SH3RF3: variants seen among roughly 807,000 people sequenced by gnomAD.
SH3RF3 encodes the protein SH3 domain containing ring finger 3, also known as E3 ubiquitin-protein ligase SH3RF3.
In SH3RF3, 29 loss-of-function variants were observed where a neutral mutation model predicts 66.3. The observed-to-expected ratio is 0.44, with a 90% CI of 0.33 to 0.60. The LOEUF (loss-of-function observed/expected upper bound fraction) is 0.60. Ranked by LOEUF, SH3RF3 falls within the 20% of genes least tolerant of loss-of-function variation. SH3RF3 has a pLI of 0.04. For synonymous variants in SH3RF3, 583 were observed against 532.0 expected (o/e 1.10, Z -1.32); for missense variants, 1,194 against 1,190.9 (o/e 1.00, Z -0.04).
At chr2:109,172,736 G>A (rs748584605) in intron 1 of SH3RF3, among the ~76,000 whole-genome samples, 10 of 152,206 alleles carry the variant, frequency 6.6e-5, no homozygotes, top group Admixed American at 3.3e-4. Context: ...AGCTCTGGCA[G>A]GGATGCTGGA....
At chr2:109,339,210 TG>T (rs1390309978) in intron 1 of SH3RF3, among the ~76,000 whole-genome samples, 5 of 146,460 alleles carry the variant, frequency 3.4e-5, no homozygotes, top group African/African-American at 1.3e-4. Context: ...TAACTTTTAT[TG>T]AAAAAAATCC....
intron 2 of SH3RF3, among the ~76,000 whole-genome samples, chr2:109,350,067 C>T (rs756242359): frequency 5.3e-5 from 8 of 152,298 alleles, no homozygotes; most frequent in Middle Eastern, 6.8e-3. Context: ...AGGGGCAGGC[C>T]GGGCATTTAG....
intron 8 of SH3RF3, among the ~76,000 whole-genome samples, chr2:109,488,118 C>G (rs1559110040): frequency 6.6e-6 from 1 of 152,202 alleles, no homozygotes; most frequent in Non-Finnish European, 1.5e-5. Context: ...AGAGTGGGCT[C>G]CGCCGGGACA....
chr2:109,144,784 G>C (rs1677053198), intron 1 of SH3RF3, among the ~76,000 whole-genome samples: 1 of 152,242 alleles, frequency 6.6e-6, no homozygotes, highest in Non-Finnish European at 1.5e-5. Context: ...CAGGCACCAG[G>C]CTGGAGCCTG....
rs565633893 is a variant in SH3RF3, at chr2:109,269,109, G to A, written c.574-78565G>A. On this transcript the variant is annotated intron_variant, in intron 1 of 9. Transcript: ENST00000309415. ...GCCACGAGGCACAAGGGCCGCACGT[G>A]GATTTTGTGCTGAGTGGCATTGGAA... 3.3e-5 allele frequency among the ~76,000 whole-genome samples: 5 copies of A among 152,290 alleles called. No homozygotes were observed. In the East Asian group the frequency reaches 9.7e-4, roughly 29 times the overall value.
chr2:109,212,759 T>TCCCCCACCCGTCAGTTCCCTCTG (rs1679019134), intron 1 of SH3RF3, among the ~76,000 whole-genome samples: 1 of 152,124 alleles, frequency 6.6e-6, no homozygotes, highest in Non-Finnish European at 1.5e-5. Flanking sequence ...AGCAGCCTTC[T>TCCCCCACCCGTCAGTTCCCTCTG]CCCCCACCCG....
At chr2:109,306,024 T>G (rs1161950110) in intron 1 of SH3RF3, among the ~76,000 whole-genome samples, 1 of 152,092 alleles carries the variant, frequency 6.6e-6, no homozygotes, top group Non-Finnish European at 1.5e-5. Context: ...ACTTCAGGAG[T>G]GATTCGCTGC....
At chr2:109,279,075 G>A (rs778450090) in intron 1 of SH3RF3, among the ~76,000 whole-genome samples, 3 of 152,148 alleles carry the variant, frequency 2.0e-5, no homozygotes, top group Non-Finnish European at 4.4e-5. Flanking sequence ...GAGGATCTTG[G>A]GAACTGCTGT....
At chr2:109,441,069 C>CA (rs1677549246) in intron 7 of SH3RF3, among the ~76,000 whole-genome samples, 1 of 143,562 alleles carries the variant, frequency 7.0e-6, no homozygotes, top group Non-Finnish European at 1.5e-5. Context: ...ACTCAAGAGT[C>CA]AAACTATTTC....
intron 4 of SH3RF3, among the ~76,000 whole-genome samples, chr2:109,410,592 C>T (rs764801083): frequency 1.5e-4 from 23 of 152,206 alleles, no homozygotes; most frequent in Admixed American, 2.6e-4. Flanking sequence ...GAGCATCCTG[C>T]CCGAGGGAGG....
chr2:109,183,015 C>T (rs1678105172), intron 1 of SH3RF3, among the ~76,000 whole-genome samples: 2 of 152,222 alleles, frequency 1.3e-5, no homozygotes, highest in Non-Finnish European at 2.9e-5. Context: ...CATCCTTCCA[C>T]ATGACTGTGT....
chr2:109,360,552 A>G (rs987015350), intron 2 of SH3RF3, among the ~76,000 whole-genome samples: 3 of 152,254 alleles, frequency 2.0e-5, no homozygotes, highest in African/African-American at 7.2e-5. Flanking sequence ...TGTATATGCA[A>G]ATATTCCAAA....
rs1465707702 is a variant in SH3RF3, at chr2:109,432,674, G to A, written c.1574+3G>A. On this transcript the variant is annotated splice_donor_region_variant and intron_variant, in intron 6 of 9. Coordinates refer to ENST00000309415, the MANE Select transcript of SH3RF3 (RefSeq NM_001099289.3). The stretch of plus-strand genomic sequence containing the variant: ...AACTACGTGACACCCGTTTCCAGGT[G>A]AGGGCATGGTGGTGGCAGCCTGGGC... 2.5e-6 allele frequency: 4 copies of A among 1,609,996 alleles called. No homozygotes were observed. The highest frequency in any genetic ancestry group is 2.2e-5 in the South Asian group (2 of 90,080).
At chr2:109,143,703 G>A (rs887204385) in intron 1 of SH3RF3, among the ~76,000 whole-genome samples, 11 of 151,992 alleles carry the variant, frequency 7.2e-5, no homozygotes, top group South Asian at 2.1e-4. Context: ...GCAGTGAGCC[G>A]TGATCGCACC....
At chr2:109,151,940 G>A (rs141505273) in intron 1 of SH3RF3, among the ~76,000 whole-genome samples, 2 of 152,332 alleles carry the variant, frequency 1.3e-5, no homozygotes, top group African/African-American at 4.8e-5. Context: ...AGCCTGGAGG[G>A]CTTATAAAAT....
intron 1 of SH3RF3, among the ~76,000 whole-genome samples, chr2:109,219,392 G>A (rs1399166841): frequency 6.6e-6 from 1 of 152,102 alleles, no homozygotes; most frequent in Non-Finnish European, 1.5e-5. Context: ...GAACATTTTA[G>A]TATTGCAAAA....
intron 1 of SH3RF3, among the ~76,000 whole-genome samples, chr2:109,230,597 G>T (rs1352639955): frequency 2.6e-5 from 4 of 152,126 alleles, no homozygotes; most frequent in African/African-American, 9.7e-5. Flanking sequence ...AAATAGGAAA[G>T]AAAAGAAACT....
chr2:109,426,929 G>C (rs1677039802), intron 5 of SH3RF3, among the ~76,000 whole-genome samples: 2 of 151,840 alleles, frequency 1.3e-5, no homozygotes, highest in Non-Finnish European at 2.9e-5. Flanking sequence ...ACTCCCTGAA[G>C]GCTCAGATGA....
intron 5 of SH3RF3, among the ~76,000 whole-genome samples, chr2:109,423,507 G>A (rs1676938114): frequency 6.6e-6 from 1 of 152,194 alleles, no homozygotes; most frequent in South Asian, 2.1e-4. Flanking sequence ...CAAGACAGGG[G>A]CACCTTCCAT....
Sources: gnomAD v4.1 joint callset for allele counts (sites outside exome capture counted in the v4.1 genomes callset) on GRCh38, gnomAD v4.1.1 for gene constraint, MANE v1.5 for transcripts, NCBI Gene and HGNC (gene_info 2026-07-23, HGNC 2026-07-21) for gene names.